The following AMOTL2 variants were observed in gnomAD, a reference collection of about 807,000 sequenced individuals.
AMOTL2 encodes angiomotin-like protein 2.
Under a neutral mutation model 78.4 loss-of-function variants are expected in AMOTL2, and 33 were observed. The observed-to-expected ratio is 0.42, with a 90% CI of 0.32 to 0.56. AMOTL2 has a LOEUF of 0.56. Ranked by LOEUF, AMOTL2 falls within the 20% of genes least tolerant of loss-of-function variation. The pLI, the probability that AMOTL2 is intolerant of heterozygous loss-of-function variation, is 0.12. For missense variants in AMOTL2, 983 were observed against 1,030.1 expected (o/e 0.95, Z 0.63); for synonymous variants, 422 against 428.8 (o/e 0.98, Z 0.20).
In AMOTL2 at chr3:134,360,424, A is replaced by T; in HGVS notation, c.1576-11T>A. The T allele has an allele frequency of 6.2e-7, 1 of 1,604,218 alleles. No homozygotes were observed. ...GGCACCTGCCTGTCTCTGCAGAGCA[A>T]GGAGTAGAGACCGTGGTCAAGGGTG... On this transcript the variant is annotated splice_polypyrimidine_tract_variant and intron_variant, in intron 6 of 9. Transcript: ENST00000249883.
chr3:134,358,069 C>T (rs1315701130), intron 9 of AMOTL2, among the ~76,000 whole-genome samples: 38 of 152,156 alleles, frequency 2.5e-4, no homozygotes, highest in Admixed American at 2.5e-3. Context: ...CTGTGGTTTT[C>T]TGAGATCATG....
chr3:134,370,797 A>T lies in AMOTL2; in HGVS notation c.637T>A (p.Tyr213Asn). The T allele has an allele frequency of 1.3e-6, 2 of 1,555,520 alleles. No homozygotes were observed. The highest frequency in any genetic ancestry group is 1.7e-6 in the Non-Finnish European group (2 of 1,151,220). ...TCATGAGCTAGTACAACATGAGGGT[A>T]CTGAGGTGGGGGTCCTCGGGACTCT... The part of the protein sequence containing the change: ...GPESRGPPPQ[Y>N]PHVVLAHETT... Residue 213 changes from tyrosine (Y) to asparagine (N), a missense_variant, in exon 2 of 10, where the codon TAC becomes AAC. Tyr to Asn is a moderately radical substitution (Grantham distance 143). Transcript: ENST00000249883.
Position 134,358,738 on chromosome 3 carries a change from G to C in AMOTL2, c.2105-19C>G. The C allele has an allele frequency of 6.2e-7, 1 of 1,613,844 alleles. No individual in the cohort carries two copies. Among genetic ancestry groups the C allele is most frequent in the Non-Finnish European group, 8.5e-7 (1 of 1,179,922 alleles). On this transcript the variant is annotated intron_variant, in intron 8 of 9. Transcript: ENST00000249883. ...CTGTCTGCTGGAAAGGTAGGTGGAT[G>C]GTTATTGCCATGCCTGTAAGATGTG...
At chr3:134,363,396 G>A (rs189657421) in intron 5 of AMOTL2, among the ~76,000 whole-genome samples, 10 of 152,276 alleles carry the variant, frequency 6.6e-5, no homozygotes, top group Middle Eastern at 3.4e-3. Flanking sequence ...ATTGAGGAGG[G>A]GCAGCCAGGT....
rs576330303 is a variant in AMOTL2, at chr3:134,366,160, C to G, written c.1186+123G>C. 3.3e-5 allele frequency: 45 copies of G among 1,369,382 alleles called. No individual in the cohort carries two copies. In the South Asian group the frequency reaches 5.5e-4, roughly 17 times the overall value. 84.8% of individuals were successfully genotyped at this position (1,369,382 alleles called of 1,614,324 possible). A position where few individuals can be genotyped will look rare whatever the true frequency, so the allele number is the denominator to read the frequency against. On this transcript the variant is annotated intron_variant, in intron 4 of 9. Coordinates refer to ENST00000249883, the MANE Select transcript of AMOTL2 (RefSeq NM_016201.4). ...AGGGCAGCTCCAAAGGGGTCTCAGCCTGGCTCTCTGAGTTCATCTGCACTT... is the reference window on the plus strand; with the variant it reads ...AGGGCAGCTCCAAAGGGGTCTCAGCGTGGCTCTCTGAGTTCATCTGCACTT...
chr3:134,370,715 T>C lies in AMOTL2; in HGVS notation c.719A>G (p.Gln240Arg). ...GGAGAGTTACCTGACTTCAGCATGC[T>C]GGAAGTGCGGGCTGCCGCGGGCACG... is the stretch of plus-strand genomic sequence containing the variant. ...RYRARGSPHF[Q>R]HAEVRILQAQ... Residue 240 changes from glutamine (Q) to arginine (R), a missense_variant, in exon 2 of 10, where the codon CAG becomes CGG. Gln to Arg is a conservative substitution (Grantham distance 43). Coordinates refer to ENST00000249883, the MANE Select transcript of AMOTL2 (RefSeq NM_016201.4). 1 of 1,510,176 alleles carries C rather than the reference T, an allele frequency of 6.6e-7. No individual in the cohort carries two copies. Among genetic ancestry groups the C allele is most frequent in the Non-Finnish European group, 8.9e-7 (1 of 1,129,442 alleles). The allele number at this position is 1,510,176 out of a possible 1,614,324, so 93.5% of individuals were successfully genotyped here.
In AMOTL2 at chr3:134,370,702, G is replaced by A. The variant is rs867980150; in HGVS notation, c.732C>T (p.Val244=). ...RGSPHFQHAE[V]RILQAQVPPV... is the part of the protein sequence containing the mutation. ...AAGCCCAAGGTGGGGAGAGTTACCT[G>A]ACTTCAGCATGCTGGAAGTGCGGGC... Residue 244 remains valine, a splice_region_variant and synonymous_variant, in exon 2 of 10, where the codon GTC becomes GTT. Coordinates refer to ENST00000249883, the MANE Select transcript of AMOTL2 (RefSeq NM_016201.4). The A allele has an allele frequency of 6.6e-7, 1 of 1,508,884 alleles. No individual in the cohort carries two copies. 93.5% of individuals were successfully genotyped at this position (1,508,884 alleles called of 1,614,324 possible). A position where few individuals can be genotyped will look rare whatever the true frequency, so the allele number is the denominator to read the frequency against.
intron 6 of AMOTL2, among the ~76,000 whole-genome samples, chr3:134,360,798 G>T (rs2017321362): frequency 6.6e-6 from 1 of 152,338 alleles, no homozygotes; most frequent in Admixed American, 6.5e-5. Flanking sequence ...ACCAAGAGTT[G>T]TTTACACAGA....
chr3:134,374,787 C>A, upstream of AMOTL2: 1 of 1,028,306 alleles, frequency 9.7e-7, no homozygotes, highest in Non-Finnish European at 1.2e-6. Flanking sequence ...CCCATTATCG[C>A]CTCCACTCCC....
intron 1 of AMOTL2, among the ~76,000 whole-genome samples, chr3:134,372,479 A>C (rs1209627991): frequency 2.6e-5 from 4 of 151,828 alleles, no homozygotes; most frequent in African/African-American, 7.3e-5. Flanking sequence ...AGAGAGCTCC[A>C]GGAAAAAGGA....
At chr3:134,373,433 C>G (rs2017955923) in intron 1 of AMOTL2, 1 of 982,084 alleles carries the variant, frequency 1.0e-6, no homozygotes, top group African/African-American at 1.7e-5. Context: ...TTGTCCCGGC[C>G]AAGCCCCTCA....
At position 134,365,810 on chromosome 3, in the gene AMOTL2, TACTC is replaced by T. The variant is rs2017579299; in HGVS notation, c.1279+3_1279+6del. 6.2e-7 allele frequency: 1 copy of T among 1,613,540 alleles called. No individual in the cohort carries two copies. The highest frequency in any genetic ancestry group is 8.5e-7 in the Non-Finnish European group (1 of 1,179,738). ...AGGCCAGGCTTCTTAGTGGGGCCCC[TACTC>T]ACTCTGAGCAAGCAGCTTGGCCACC... On this transcript the variant is annotated splice_donor_5th_base_variant and intron_variant, in intron 5 of 9. Transcript: ENST00000249883.
chr3:134,370,614 A>C (rs1048602798), intron 2 of AMOTL2, 86 bp downstream of exon 2: 16 of 1,457,276 alleles, frequency 1.1e-5, no homozygotes, highest in Non-Finnish European at 1.5e-5. Context: ...GCTCTGACAC[A>C]AGCTGTGATC....
chr3:134,367,836 GCA>G (rs2017680861), intron 2 of AMOTL2, 33 bp from the exon 3 acceptor site: 13 of 1,607,582 alleles, frequency 8.1e-6, no homozygotes, highest in Non-Finnish European at 1.1e-5. Context: ...CTCAGAGACA[GCA>G]CAGACCCTCA....
intron 5 of AMOTL2, among the ~76,000 whole-genome samples, chr3:134,363,419 AG>A (rs1450045907): frequency 6.6e-6 from 1 of 152,222 alleles, no homozygotes; most frequent in Non-Finnish European, 1.5e-5. Flanking sequence ...GGACTCAGGC[AG>A]GGAGGACCCT....
chr3:134,374,563 C>T (rs1263472588), upstream of AMOTL2: 1 of 985,534 alleles, frequency 1.0e-6, no homozygotes, highest in East Asian at 1.1e-4. Context: ...CCACAAATAA[C>T]CTCTCAGCGC....
chr3:134,367,477 G>A lies in AMOTL2; in HGVS notation c.1041+20C>T, dbSNP rs1274522796. The A allele has an allele frequency of 1.9e-6, 3 of 1,608,324 alleles. No individual in the cohort carries two copies. Among genetic ancestry groups the A allele is most frequent in the Admixed American group, 1.7e-5 (1 of 58,672 alleles). On this transcript the variant is annotated intron_variant, in intron 3 of 9. Coordinates refer to ENST00000249883, the MANE Select transcript of AMOTL2 (RefSeq NM_016201.4). ...GGGTCTCTTTCTGGTCTGCCCTTCT[G>A]AAGCCCCAGCAGGGCCTACCTTCTC...
chr3:134,370,840 G>T lies in AMOTL2; in HGVS notation c.594C>A (p.Gly198=), dbSNP rs749390767. Residue 198 remains glycine, a synonymous_variant, in exon 2 of 10, where the codon GGC becomes GGA. Transcript: ENST00000249883. ...ARNQQGPPLR[G]PPAEGPESRG... ...GGGACTCTGGGCCCTCAGCAGGGGG[G>T]CCCCTCAGTGGGGGGCCCTGCTGGT... 2 of 1,595,660 alleles carry T rather than the reference G, an allele frequency of 1.3e-6. No homozygotes were observed. The highest frequency in any genetic ancestry group is 2.2e-5 in the East Asian group (1 of 44,554).
Position 134,366,442 on chromosome 3 carries a change from C to G in AMOTL2, c.1042-15G>C, listed in dbSNP as rs775171350. On this transcript the variant is annotated splice_polypyrimidine_tract_variant and intron_variant, in intron 3 of 9. Coordinates refer to ENST00000249883, the MANE Select transcript of AMOTL2 (RefSeq NM_016201.4). ...TCGCTTTCCAGCTGCAAGAGTCAGA[C>G]AGCAGAGCTGAATGAAGGCGAGAGC... 59 of 1,608,740 alleles carry G rather than the reference C, an allele frequency of 3.7e-5. 1 individual carries two copies. The Middle Eastern group carries it at 8.3e-4, about 23-fold the overall frequency.
Sources: allele counts gnomAD v4.1 joint callset (sites outside exome capture counted in the v4.1 genomes callset), GRCh38; gene constraint gnomAD v4.1.1; transcripts MANE v1.5; gene names NCBI Gene and HGNC (gene_info 2026-07-23, HGNC 2026-07-21).